DIP2C: variants seen among roughly 807,000 people sequenced by gnomAD.
DIP2C encodes DIP2 acetate--CoA ligase C (putative).
In DIP2C, 33 loss-of-function variants were observed where a neutral mutation model predicts 192.4. The ratio of observed to expected loss-of-function variants is 0.17; its 90% CI spans 0.13 to 0.23. The LOEUF is 0.23. Ranked by LOEUF, DIP2C falls within the 10% of genes least tolerant of loss-of-function variation. The pLI is 1.00. For synonymous variants in DIP2C, 979 were observed against 864.1 expected (o/e 1.13, Z -2.33); for missense variants, 1,537 against 2,110.1 (o/e 0.73, Z 5.32).
chr10:417,761 T>C (rs1422453855), intron 6 of DIP2C, among the ~76,000 whole-genome samples: 1 of 126,858 alleles, frequency 7.9e-6, no homozygotes, highest in African/African-American at 3.3e-5. Context: ...TAGGCATCCC[T>C]GTCCACCTGC....
At position 601,731 on chromosome 10, in the gene DIP2C, G is replaced by A. The variant is rs143041450; in HGVS notation, c.85+87763C>T. On this transcript the variant is annotated intron_variant, in intron 1 of 36. Transcript: ENST00000280886. ...GACTGCAGGCCTGCCAGCATCTCAG[G>A]GCCAGCCGAAACTGTTCTCTCCTTC... 2.8e-3 allele frequency among the ~76,000 whole-genome samples: 423 copies of A among 152,294 alleles called. 2 individuals are homozygous for A. The highest frequency in any genetic ancestry group is 9.9e-3 in the African/African-American group (410 of 41,546).
intron 31 of DIP2C, among the ~76,000 whole-genome samples, chr10:323,152 GC>G (rs1263545397): frequency 7.6e-5 from 2 of 26,346 alleles, no homozygotes; most frequent in Non-Finnish European, 1.8e-4. Context: ...GGGGTGCGGG[GC>G]TCCAGTGAGA....
At chr10:294,046 T>C (rs888484275) in intron 32 of DIP2C, among the ~76,000 whole-genome samples, 2 of 152,216 alleles carry the variant, frequency 1.3e-5, no homozygotes, top group Admixed American at 6.5e-5. Flanking sequence ...ACTTTTTTCA[T>C]TTATAAAATT....
chr10:434,763 T>C (rs188243252), intron 4 of DIP2C, among the ~76,000 whole-genome samples: 10 of 152,302 alleles, frequency 6.6e-5, no homozygotes, highest in African/African-American at 1.7e-4. Flanking sequence ...GTTAATGGCA[T>C]TTTTTTCCTC....
chr10:583,039 CAT>C (rs1850765493), intron 1 of DIP2C, among the ~76,000 whole-genome samples: 1 of 152,210 alleles, frequency 6.6e-6, no homozygotes, highest in African/African-American at 2.4e-5. Context: ...GCAGTTGCCA[CAT>C]ATTTTCACAT....
At chr10:540,519 A>G (rs1451318366) in intron 1 of DIP2C, among the ~76,000 whole-genome samples, 1 of 152,198 alleles carries the variant, frequency 6.6e-6, no homozygotes, top group African/African-American at 2.4e-5. Context: ...TCTCTCACTG[A>G]AAAAGCCTAT....
At position 276,457 on chromosome 10, in the gene DIP2C, CATATAT is replaced by C. The variant is rs971678116; in HGVS notation, c.*862_*867del. 1 of 152,460 alleles carries C rather than the reference CATATAT, an allele frequency of 6.6e-6. No individual in the cohort carries two copies. Among genetic ancestry groups the C allele is most frequent in the Non-Finnish European group, 1.5e-5 (1 of 68,008 alleles). The allele number at this position is 152,460 out of a possible 1,614,324, so 9.4% of individuals were successfully genotyped here. A position where few individuals can be genotyped will look rare whatever the true frequency, so the allele number is the denominator to read the frequency against. ...TTTGTTCATTAGTGAATTTATATTT[CATATAT>C]ATATATTTGTTGTGATACTATCCAC... is the stretch of plus-strand genomic sequence containing the variant. On this transcript the variant is annotated 3_prime_UTR_variant, in exon 37 of 37. Transcript: ENST00000280886.
chr10:505,997 G>A (rs1208439257), intron 1 of DIP2C, among the ~76,000 whole-genome samples: 1 of 152,204 alleles, frequency 6.6e-6, no homozygotes, highest in Non-Finnish European at 1.5e-5. Flanking sequence ...CAGGGGATTA[G>A]GAACGCAGGT....
At chr10:615,191 C>T (rs1485825331) in intron 1 of DIP2C, among the ~76,000 whole-genome samples, 1 of 152,236 alleles carries the variant, frequency 6.6e-6, no homozygotes, top group Non-Finnish European at 1.5e-5. Context: ...GAGGACGGTG[C>T]GGTCCCTAGG....
intron 29 of DIP2C, among the ~76,000 whole-genome samples, chr10:332,789 TCAA>T (rs1957561435): frequency 6.6e-6 from 1 of 152,240 alleles, no homozygotes. Flanking sequence ...ACTTGGGAAT[TCAA>T]CAAGACAGGT....
intron 34 of DIP2C, among the ~76,000 whole-genome samples, chr10:284,762 T>C (rs1189470851): frequency 6.6e-6 from 1 of 152,180 alleles, no homozygotes; most frequent in African/African-American, 2.4e-5. Context: ...ACACACACAA[T>C]GTGAGCTGAT....
chr10:373,258 A>T (rs1348326375), intron 17 of DIP2C, among the ~76,000 whole-genome samples: 1 of 152,202 alleles, frequency 6.6e-6, no homozygotes, highest in Non-Finnish European at 1.5e-5. Context: ...ACGTCAGCAC[A>T]TTCTTAGTAT....
intron 1 of DIP2C, among the ~76,000 whole-genome samples, chr10:642,300 T>A (rs1003507377): frequency 2.6e-5 from 4 of 151,938 alleles, no homozygotes; most frequent in African/African-American, 9.7e-5. Context: ...ATGCTGGGCC[T>A]CCGCCTCCTA....
chr10:588,714 C>G (rs1851232209), intron 1 of DIP2C, among the ~76,000 whole-genome samples: 1 of 152,240 alleles, frequency 6.6e-6, no homozygotes, highest in Non-Finnish European at 1.5e-5. Flanking sequence ...AGCTGCCGTC[C>G]CGCAGGCGGG....
chr10:487,585 T>TTG (rs1844116188), intron 1 of DIP2C, among the ~76,000 whole-genome samples: 1 of 138,038 alleles, frequency 7.2e-6, no homozygotes, highest in African/African-American at 2.7e-5. Flanking sequence ...TTTTTTTTTT[T>TTG]TTTTTTTTTT....
In DIP2C at chr10:357,981, A is replaced by G. The variant is rs753028957; in HGVS notation, c.2795-44T>C. Reference sequence around the variant, plus strand: ...ATGGCCATGAGGAAACAAAAGAGAAATTCCTTCAGACTAGACCTCCCACTT... The same window carrying G: ...ATGGCCATGAGGAAACAAAAGAGAAGTTCCTTCAGACTAGACCTCCCACTT... On this transcript the variant is annotated intron_variant, in intron 22 of 36. Transcript: ENST00000280886. 3.3e-6 allele frequency: 5 copies of G among 1,505,770 alleles called. No individual in the cohort carries two copies. In the East Asian group the frequency reaches 1.1e-4, roughly 34 times the overall value. The allele number at this position is 1,505,770 out of a possible 1,614,324, so 93.3% of individuals were successfully genotyped here.
intron 1 of DIP2C, among the ~76,000 whole-genome samples, chr10:528,037 G>A (rs755238799): frequency 1.3e-5 from 2 of 152,126 alleles, no homozygotes; most frequent in African/African-American, 4.8e-5. Flanking sequence ...AAGGACAGTC[G>A]TGTCCTTGGG....
rs199616079 is a variant in DIP2C at position 407,831 on chromosome 10, ATC to A, written c.1149+1093_1149+1094del. On this transcript the variant is annotated intron_variant, in intron 9 of 36. Transcript: ENST00000280886. ...AATTCTTTAAATATTTTAGATATTA[ATC>A]TCTGTTGGCAAATAATTTGCATTTT... Among the ~76,000 whole-genome samples, 911 of 152,220 alleles carry A rather than the reference ATC, an allele frequency of 6.0e-3. 3 individuals carry two copies. Among genetic ancestry groups the A allele is most frequent in the Middle Eastern group, 0.014 (4 of 292 alleles).
At chr10:277,685 C>G in intron 36 of DIP2C, 108 bp from the exon 37 acceptor site, 1 of 1,441,112 alleles carries the variant, frequency 6.9e-7, no homozygotes, top group Non-Finnish European at 9.4e-7. Flanking sequence ...GAGCACTGCC[C>G]GACAGTCTCC....
Sources: allele counts gnomAD v4.1 joint callset (sites outside exome capture counted in the v4.1 genomes callset), GRCh38; gene constraint gnomAD v4.1.1; transcripts MANE v1.5; gene names NCBI Gene and HGNC (gene_info 2026-07-23, HGNC 2026-07-21).